The following ZNF30 variants were observed in gnomAD, a reference collection of about 807,000 sequenced individuals.
ZNF30 encodes the protein zinc finger protein 30 (KOX 28).
Under a neutral mutation model 13.2 loss-of-function variants are expected in ZNF30, and 15 were observed. The ratio of observed to expected loss-of-function variants is 1.13; its 90% CI spans 0.76 to 1.75. The LOEUF is 1.75. Among genes scored for constraint, ZNF30 ranks in the 40% most tolerant of loss-of-function variants. The probability of loss-of-function intolerance (pLI) is 0.00; values close to 1 mark genes in which losing one functional copy is unlikely to be tolerated. For missense variants in ZNF30, 726 were observed against 757.0 expected (o/e 0.96, Z 0.48); for synonymous variants, 223 against 256.6 (o/e 0.87, Z 1.25).
In ZNF30 at chr19:34,931,979, A is replaced by T; in HGVS notation, c.146A>T (p.Asn49Ile). 3.8e-6 allele frequency: 6 copies of T among 1,598,752 alleles called. No individual in the cohort carries two copies. The highest frequency in any genetic ancestry group is 5.1e-6 in the Non-Finnish European group (6 of 1,174,854). ...GATGTGATGTTGGAGAACTACAGGA[A>T]CTTGGTGTCAATGGGTAAGTGTACT... ...YRDVMLENYRNLVSMGHSRSK... is the reference protein window; with the variant it reads ...YRDVMLENYRILVSMGHSRSK... Residue 49 changes from asparagine to isoleucine, a missense_variant, in exon 3 of 5, where the codon AAC becomes ATC. Transcript: ENST00000601142.
chr19:34,939,184 CT>C (rs1568541870), intron 4 of ZNF30, among the ~76,000 whole-genome samples: 2 of 133,640 alleles, frequency 1.5e-5, no homozygotes, highest in East Asian at 2.2e-4. Context: ...CCTCCCTCCC[CT>C]ATCCTCTTTT....
At chr19:34,928,958 C>T (rs528956595) in intron 1 of ZNF30, among the ~76,000 whole-genome samples, 1 of 152,138 alleles carries the variant, frequency 6.6e-6, no homozygotes, top group South Asian at 2.1e-4. Flanking sequence ...AGTGTATCTC[C>T]CCCCTGTGGA....
chr19:34,927,529 T>C (rs1180587474), intron 1 of ZNF30, among the ~76,000 whole-genome samples: 2 of 152,192 alleles, frequency 1.3e-5, no homozygotes, highest in Non-Finnish European at 2.9e-5. Flanking sequence ...TATAAAGTAT[T>C]TACACCTTTT....
intron 3 of ZNF30, among the ~76,000 whole-genome samples, chr19:34,932,647 AG>A (rs1183031843): frequency 6.6e-6 from 1 of 152,212 alleles, no homozygotes. Flanking sequence ...ATTTTAGGTG[AG>A]AATGCTAAAT....
chr19:34,934,998 G>A (rs572306120), intron 4 of ZNF30, among the ~76,000 whole-genome samples: 1 of 152,174 alleles, frequency 6.6e-6, no homozygotes, highest in Non-Finnish European at 1.5e-5. Context: ...GGGAGGCTGA[G>A]GTGGGTGGAT....
At position 34,943,372 on chromosome 19, in the gene ZNF30, G is replaced by A. The variant is rs2013145675; in HGVS notation, c.406G>A (p.Val136Ile). The change falls in exon 5 of 5, where the codon GTT becomes ATT. Residue 136 changes from valine (V) to isoleucine (I), a missense_variant. By Grantham distance (29) the Val-to-Ile change is conservative (BLOSUM62 3). Transcript: ENST00000601142. ...GKTLCQDSKP[V>I]QHERIHSSEK... ...GACCCTTTGTCAAGACTCAAAGCCT[G>A]TTCAACATGAAAGAATACATAGTAG... 3 of 1,613,798 alleles carry A rather than the reference G, an allele frequency of 1.9e-6. No individual in the cohort carries two copies. Among genetic ancestry groups the A allele is most frequent in the African/African-American group, 1.3e-5 (1 of 74,902 alleles).
intron 4 of ZNF30, chr19:34,942,758 G>A (rs1600232069): frequency 5.7e-6 from 3 of 527,614 alleles, no homozygotes; most frequent in East Asian, 1.5e-4. Flanking sequence ...CTTGATATGA[G>A]GTCTGAGAGG....
intron 3 of ZNF30, among the ~76,000 whole-genome samples, chr19:34,933,198 G>A (rs553537491): frequency 3.7e-4 from 57 of 152,128 alleles, no homozygotes; most frequent in Non-Finnish European, 7.7e-4. Flanking sequence ...GTTCATGCCT[G>A]TAATCCCAGC....
Position 34,931,600 on chromosome 19 carries a change from G to A in ZNF30, c.10-243G>A, listed in dbSNP as rs140299921. On this transcript the variant is annotated intron_variant, in intron 2 of 4. Coordinates refer to ENST00000601142, the MANE Select transcript of ZNF30 (RefSeq NM_194325.3). ...TTGTATGTACTCTTTTACTTAACAG[G>A]GAAACTAGGATTCTTTTATCCATTT... is the stretch of plus-strand genomic sequence containing the variant. Among the ~76,000 whole-genome samples, 28 of 152,166 alleles carry A rather than the reference G, an allele frequency of 1.8e-4. No homozygotes were observed. In the East Asian group the frequency reaches 1.9e-3, roughly 10 times the overall value.
rs779983392 is a variant in ZNF30, at chr19:34,944,803, G to C, written c.1837G>C (p.Val613Leu). The change falls in exon 5 of 5, where the codon GTG (valine) becomes CTG (leucine). Residue 613 changes from valine to leucine, a missense_variant. Val to Leu is a conservative substitution (Grantham distance 32, BLOSUM62 1). Transcript: ENST00000601142. Reference sequence around the variant, plus strand: ...CTTTAGATACAGTTCAGCCCTTAAAGTGCATCTGAGAAAACATATGAGTGT... The same window carrying C: ...CTTTAGATACAGTTCAGCCCTTAAACTGCATCTGAGAAAACATATGAGTGT... Reference protein sequence around the residue: ...KTFRYSSALKVHLRKHMSVIP With the variant: ...KTFRYSSALKLHLRKHMSVIP The C allele has an allele frequency of 2.5e-6, 4 of 1,607,536 alleles. No individual in the cohort carries two copies. Among genetic ancestry groups the C allele is most frequent in the Non-Finnish European group, 3.4e-6 (4 of 1,175,220 alleles).
chr19:34,931,566 G>A (rs1016857185), intron 2 of ZNF30, among the ~76,000 whole-genome samples: 3 of 152,114 alleles, frequency 2.0e-5, no homozygotes, highest in Non-Finnish European at 4.4e-5. Flanking sequence ...TACCTAGCAG[G>A]CCATATCTTT....
chr19:34,932,077 T>G, intron 3 of ZNF30, 84 bp downstream of exon 3: 1 of 1,221,638 alleles, frequency 8.2e-7, no homozygotes, highest in Non-Finnish European at 1.1e-6. Flanking sequence ...GCTTAAGAAC[T>G]GAACACGATT....
chr19:34,944,363 G>A lies in ZNF30; in HGVS notation c.1397G>A (p.Arg466Lys). Residue 466 changes from arginine to lysine, a missense_variant, in exon 5 of 5, where the codon AGA (arginine) becomes AAA (lysine). Coordinates refer to ENST00000601142, the MANE Select transcript of ZNF30 (RefSeq NM_194325.3). ...TGTAAGGAATGTGGCAAGGCCTTCA[G>A]AGTGCACGTACATCTCACACAGCAT... ...YECKECGKAF[R>K]VHVHLTQHRK... 1 of 1,614,182 alleles carries A rather than the reference G, an allele frequency of 6.2e-7. No homozygotes were observed. Among genetic ancestry groups the A allele is most frequent in the Non-Finnish European group, 8.5e-7 (1 of 1,180,030 alleles).
At chr19:34,932,482 C>T (rs2012502675) in intron 3 of ZNF30, among the ~76,000 whole-genome samples, 1 of 152,100 alleles carries the variant, frequency 6.6e-6, no homozygotes, top group Admixed American at 6.5e-5. Flanking sequence ...GATGTCTAAG[C>T]AGACTTTGTT....
In ZNF30 at chr19:34,943,561, A is replaced by G; in HGVS notation, c.595A>G (p.Thr199Ala). The change falls in exon 5 of 5, where the codon ACT becomes GCT. Residue 199 changes from threonine to alanine, a missense_variant. Physicochemically the swap from Thr to Ala is moderately conservative, Grantham distance 58. Transcript: ENST00000601142. The part of the protein sequence containing the change: ...SAFVKHGRIH[T>A]GEKPLKCKQC... ...CTTTGTTAAGCATGGGAGAATTCAC[A>G]CTGGTGAGAAGCCACTCAAATGTAA... 6.2e-7 allele frequency: 1 copy of G among 1,613,750 alleles called. No individual in the cohort carries two copies. The highest frequency in any genetic ancestry group is 1.3e-5 in the African/African-American group (1 of 75,054).
chr19:34,935,700 G>GTTTTTTTTT (rs142285130), intron 4 of ZNF30, among the ~76,000 whole-genome samples: 2 of 84,222 alleles, frequency 2.4e-5, no homozygotes, highest in Admixed American at 1.2e-4. Flanking sequence ...GTTGTCTATA[G>GTTTTTTTTT]TTTTTTTTTT....
At position 34,943,463 on chromosome 19, in the gene ZNF30, A is replaced by G; in HGVS notation, c.497A>G (p.His166Arg). ...AGTAATGGACATCAACTCACCATAC[A>G]TCAGAGATTGCATGTTGGTGAGAAA... ...NFSNGHQLTI[H>R]QRLHVGEKPY... Residue 166 changes from histidine (H) to arginine (R), a missense_variant, in exon 5 of 5, where the codon CAT (histidine) becomes CGT (arginine). Physicochemically the swap from His to Arg is conservative, Grantham distance 29. Coordinates refer to ENST00000601142, the MANE Select transcript of ZNF30 (RefSeq NM_194325.3). The G allele has an allele frequency of 5.0e-6, 8 of 1,614,008 alleles. No individual in the cohort carries two copies. Among genetic ancestry groups the G allele is most frequent in the Non-Finnish European group, 6.8e-6 (8 of 1,179,888 alleles).
intron 1 of ZNF30, among the ~76,000 whole-genome samples, chr19:34,929,381 A>C (rs891963519): frequency 8.5e-5 from 13 of 152,236 alleles, no homozygotes; most frequent in African/African-American, 3.1e-4. Flanking sequence ...ATTCTTCAGG[A>C]CAACCACATG....
chr19:34,932,781 C>CT (rs201053147), intron 3 of ZNF30, among the ~76,000 whole-genome samples: 5,014 of 135,404 alleles, frequency 0.037, 251 homozygotes, highest in African/African-American at 0.11. Context: ...GTCATACTTT[C>CT]TTTTTTTTTT....
Sources: gnomAD v4.1 joint callset for allele counts (sites outside exome capture counted in the v4.1 genomes callset) on GRCh38, gnomAD v4.1.1 for gene constraint, MANE v1.5 for transcripts, NCBI Gene and HGNC (gene_info 2026-07-23, HGNC 2026-07-21) for gene names.